WAS: variants seen among roughly 807,000 people sequenced by gnomAD.
WAS encodes actin nucleation-promoting factor WAS.
WAS carries 1 observed loss-of-function variant against 38.9 expected under a neutral mutation model. The observed-to-expected ratio is 0.03, with a 90% confidence interval of 0.01 to 0.12. WAS has a LOEUF of 0.12. Among genes scored for constraint, WAS ranks in the 10% least tolerant of loss-of-function variants. The pLI is 1.00. For missense variants in WAS, 311 were observed against 431.2 expected, an observed-to-expected ratio of 0.72 and a Z score of 2.47; for synonymous variants, 182 against 173.6, an observed-to-expected ratio of 1.05 and a Z score of -0.38.
intron 7 of WAS, among the ~76,000 whole-genome samples, chrX:48,687,687 G>A (rs1455345954): frequency 8.9e-6 from 1 of 111,825 alleles, no homozygotes; most frequent in Admixed American, 9.4e-5. Context: ...GTAGGTGGAT[G>A]GGTGGATGGA....
At chrX:48,681,202 C>G (rs1557005721), upstream of WAS, among the ~76,000 whole-genome samples, 1 of 111,349 alleles carries the variant, frequency 9.0e-6, no homozygotes, top group Non-Finnish European at 1.9e-5. Flanking sequence ...TGGAGTCTTG[C>G]TCTTGTCACC....
chrX:48,683,825 C>A lies in WAS; in HGVS notation c.-29C>A. On this transcript the variant is annotated 5_prime_UTR_variant, in exon 1 of 12. Coordinates refer to ENST00000376701, the MANE Select transcript of WAS (RefSeq NM_000377.3). ...TCTTCTTACCCTGCACCCAGAGCCTCGCCAGAGAAGACAAGGGCAGAAAGC... is the reference window on the plus strand; with the variant it reads ...TCTTCTTACCCTGCACCCAGAGCCTAGCCAGAGAAGACAAGGGCAGAAAGC... The A allele has an allele frequency of 1.7e-6, 2 of 1,209,109 alleles. No homozygotes were observed. Among genetic ancestry groups the A allele is most frequent in the Non-Finnish European group, 2.2e-6 (2 of 893,909 alleles).
chrX:48,684,077 T>A, intron 1 of WAS, 92 bp downstream of exon 1: 1 of 1,130,128 alleles, frequency 8.8e-7, no homozygotes, highest in Non-Finnish European at 1.2e-6. Flanking sequence ...CCGCTCCTCC[T>A]TTCCCTCTCC....
intron 8 of WAS, 85 bp downstream of exon 8, chrX:48,688,181 G>A (rs781877730): frequency 1.6e-4 from 178 of 1,145,516 alleles, no homozygotes; most frequent in Middle Eastern, 4.7e-4. Context: ...CCCCCAGATC[G>A]TGCCCTTCCC....
At chrX:48,680,100 G>A (rs1352568267), upstream of WAS, among the ~76,000 whole-genome samples, 1 of 111,478 alleles carries the variant, frequency 9.0e-6, no homozygotes, top group African/African-American at 3.3e-5. Context: ...GACCTGTGAC[G>A]GCTCCTCAGA....
intron 7 of WAS, among the ~76,000 whole-genome samples, 155 bp from the exon 8 acceptor site, chrX:48,687,899 A>G (rs1569493935): frequency 8.9e-6 from 1 of 112,106 alleles, no homozygotes; most frequent in East Asian, 2.8e-4. Context: ...TTCTAATTCC[A>G]TAACTCCTGC....
chrX:48,691,129 C>A lies in WAS; in HGVS notation c.1476C>A (p.Gly492=), dbSNP rs1161895393. 1 of 1,210,547 alleles carries A rather than the reference C, an allele frequency of 8.3e-7. No individual in the cohort carries two copies. Among genetic ancestry groups the A allele is most frequent in the East Asian group, 3.0e-5 (1 of 33,795 alleles). ...HSSDEGEDQA[G]DEDEDDEWDD ...CAGACGAAGGGGAGGACCAGGCTGG[C>A]GATGAAGATGAAGATGATGAATGGG... The change falls in exon 12 of 12, where the codon GGC becomes GGA. Residue 492 remains glycine, a synonymous_variant. Transcript: ENST00000376701.
chrX:48,689,271 C>T (rs375722538), intron 10 of WAS, 49 bp from the exon 11 acceptor site: 13 of 1,089,821 alleles, frequency 1.2e-5, no homozygotes, highest in Non-Finnish European at 1.6e-5. Flanking sequence ...GGGAGAAATG[C>T]TCCTTTCCCA....
chrX:48,689,117 C>T (rs782397366), intron 10 of WAS, 51 bp downstream of exon 10: 22 of 1,142,763 alleles, frequency 1.9e-5, no homozygotes, highest in Admixed American at 8.9e-5. Context: ...TGGGGTGTCC[C>T]GTCTAAGTCA....
Position 48,686,138 on chromosome X carries a change from C to T in WAS, c.559+4C>T, listed in dbSNP as rs369642443. The T allele has an allele frequency of 4.2e-5, 51 of 1,210,157 alleles. No homozygotes were observed. Among genetic ancestry groups the T allele is most frequent in the Non-Finnish European group, 2.9e-5 (26 of 894,903 alleles). On this transcript the variant is annotated splice_donor_region_variant and intron_variant, in intron 6 of 11. Transcript: ENST00000376701. Reference sequence around the variant, plus strand: ...CATCCAGGTGGAGACCAAGGAGGTGCGTGCTGATTCTTCCCTGTGTCTCTG... The same window carrying T: ...CATCCAGGTGGAGACCAAGGAGGTGTGTGCTGATTCTTCCCTGTGTCTCTG...
chrX:48,685,881 T>C (rs2062417801), intron 4 of WAS, 45 bp downstream of exon 4: 1 of 1,207,792 alleles, frequency 8.3e-7, no homozygotes. Context: ...CAGAGGTGAG[T>C]GCAAGCCTGG....
upstream of WAS, among the ~76,000 whole-genome samples, chrX:48,678,842 A>G (rs1230268948): frequency 9.0e-6 from 1 of 111,375 alleles, no homozygotes; most frequent in East Asian, 2.8e-4. Flanking sequence ...ATTTTTTTTA[A>G]AAAGAGTTTG....
rs1198096005 is a variant in WAS at position 48,685,848 on chromosome X, A to G, written c.463+12A>G. 3.3e-6 allele frequency: 4 copies of G among 1,202,655 alleles called. No homozygotes were observed. Among genetic ancestry groups the G allele is most frequent in the African/African-American group, 1.8e-5 (1 of 56,904 alleles). The stretch of plus-strand genomic sequence containing the variant: ...GAGGCAAAGTGGAGGTGAGGAGGCC[A>G]CAGGGGAGGAAAGGAAGTTGGGCAG... On this transcript the variant is annotated intron_variant, in intron 4 of 11. Coordinates refer to ENST00000376701, the MANE Select transcript of WAS (RefSeq NM_000377.3).
intron 1 of WAS, among the ~76,000 whole-genome samples, chrX:48,676,928 C>G (rs1218993034): frequency 8.9e-6 from 1 of 112,827 alleles, no homozygotes; most frequent in African/African-American, 3.2e-5. Flanking sequence ...AGACAAGGCT[C>G]TGGACACCCA....
intron 2 of WAS, 95 bp from the exon 3 acceptor site, chrX:48,685,452 A>G: frequency 1.5e-6 from 1 of 659,133 alleles, no homozygotes; most frequent in African/African-American, 2.2e-5. Flanking sequence ...TGAGGCTCCC[A>G]AATCCAGACA....
At position 48,685,606 on chromosome X, in the gene WAS, C is replaced by A; in HGVS notation, c.333C>A (p.Thr111=). The A allele has an allele frequency of 8.3e-7, 1 of 1,202,370 alleles. No homozygotes were observed. Among genetic ancestry groups the A allele is most frequent in the Non-Finnish European group, 1.1e-6 (1 of 890,866 alleles). ...CACAGCTTGTCTACTCCACCCCCAC[C>A]CCCTTCTTCCACACCTTCGCTGGAG... ...LYSQLVYSTP[T]PFFHTFAGDD... The change falls in exon 3 of 12, where the codon ACC becomes ACA. Residue 111 remains threonine (T), a synonymous_variant. Coordinates refer to ENST00000376701, the MANE Select transcript of WAS (RefSeq NM_000377.3).
chrX:48,679,963 C>T (rs782034486), upstream of WAS, among the ~76,000 whole-genome samples: 148 of 111,806 alleles, frequency 1.3e-3, no homozygotes, highest in Non-Finnish European at 2.1e-3. Flanking sequence ...GACCCCTTTC[C>T]GGTAACATCT....
intron 2 of WAS, 138 bp downstream of exon 2, chrX:48,684,561 C>A: frequency 1.2e-6 from 1 of 845,957 alleles, no homozygotes; most frequent in Non-Finnish European, 1.7e-6. Context: ...AAGACTCATC[C>A]AGATGGCAAA....
upstream of WAS, among the ~76,000 whole-genome samples, chrX:48,680,902 A>G (rs782773184): frequency 8.9e-6 from 1 of 112,044 alleles, no homozygotes; most frequent in Non-Finnish European, 1.9e-5. Flanking sequence ...ACAACCAGCA[A>G]ATATATCAGA....
Sources: gnomAD v4.1 joint callset for allele counts (sites outside exome capture counted in the v4.1 genomes callset) on GRCh38, gnomAD v4.1.1 for gene constraint, MANE v1.5 for transcripts, NCBI Gene and HGNC (gene_info 2026-07-23, HGNC 2026-07-21) for gene names.